Variants in MAMLD1 observed in about 807,000 individuals in gnomAD.
MAMLD1 encodes mastermind-like domain-containing protein 1.
A neutral mutation model predicts 45.0 loss-of-function variants in MAMLD1; 14 were observed. The ratio of observed to expected loss-of-function variants is 0.31; its 90% CI spans 0.21 to 0.49. The LOEUF is 0.49. Ranked by LOEUF, MAMLD1 falls within the 20% of genes least tolerant of loss-of-function variation. MAMLD1 has a pLI of 0.99. For synonymous variants in MAMLD1, 254 were observed against 247.8 expected (o/e 1.02, Z -0.24); for missense variants, 543 against 603.6 (o/e 0.90, Z 1.05).
intron 1 of MAMLD1, among the ~76,000 whole-genome samples, chrX:150,369,360 T>C (rs2031777527): frequency 8.9e-6 from 1 of 112,413 alleles, no homozygotes; most frequent in South Asian, 3.7e-4. Flanking sequence ...ATAGTCATTT[T>C]CTGGGAAAGT....
At chrX:150,398,329 GAAGAA>G (rs2033579355) in intron 1 of MAMLD1, among the ~76,000 whole-genome samples, 3 of 83,857 alleles carry the variant, frequency 3.6e-5, no homozygotes, top group African/African-American at 1.3e-4. Context: ...AGAAGAAGAA[GAAGAA>G]GAAGAAGAGG....
At chrX:150,403,948 G>GAAAGAAAGAAAGAAAGAAAGAAAGAA (rs2033903517) in intron 1 of MAMLD1, among the ~76,000 whole-genome samples, 5 of 63,881 alleles carry the variant, frequency 7.8e-5, no homozygotes, top group Non-Finnish European at 1.5e-4. Context: ...AGAAAAGAAA[G>GAAAGAAAGAAAGAAAGAAAGAAAGAA]AAAGAAAGAA....
intron 1 of MAMLD1, among the ~76,000 whole-genome samples, chrX:150,374,281 G>A (rs1407155615): frequency 3.6e-5 from 4 of 112,549 alleles, no homozygotes; most frequent in East Asian, 5.6e-4. Context: ...ATGAGCTTTC[G>A]GCAGGAGACA....
chrX:150,493,819 A>G (rs1211617633), intron 5 of MAMLD1, among the ~76,000 whole-genome samples: 2 of 112,292 alleles, frequency 1.8e-5, no homozygotes, highest in Non-Finnish European at 3.8e-5. Context: ...TTATAAGAGT[A>G]ATATGTGCTC....
At chrX:150,426,758 A>G (rs1215341246) in intron 1 of MAMLD1, among the ~76,000 whole-genome samples, 1 of 111,359 alleles carries the variant, frequency 9.0e-6, no homozygotes, top group Admixed American at 9.5e-5. Context: ...CCCTCACCAC[A>G]GAAGACTAAG....
At chrX:150,413,874 G>A (rs1230308077) in intron 1 of MAMLD1, among the ~76,000 whole-genome samples, 1 of 108,632 alleles carries the variant, frequency 9.2e-6, no homozygotes, top group Non-Finnish European at 1.9e-5. Flanking sequence ...TGGCCTTGAA[G>A]TCTGTGATGG....
intron 5 of MAMLD1, among the ~76,000 whole-genome samples, chrX:150,502,944 G>A (rs782204258): frequency 1.8e-5 from 2 of 111,937 alleles, no homozygotes; most frequent in Non-Finnish European, 3.8e-5. Context: ...CAAGCCAGGG[G>A]AGTCTTCACA....
chrX:150,416,569 A>G (rs2124541890), intron 1 of MAMLD1, among the ~76,000 whole-genome samples: 1 of 111,844 alleles, frequency 8.9e-6, no homozygotes, highest in African/African-American at 3.2e-5. Flanking sequence ...GCCTGCTTGT[A>G]TGCGTTTGGT....
At chrX:150,370,134 G>C (rs1440409928) in intron 1 of MAMLD1, among the ~76,000 whole-genome samples, 2 of 109,480 alleles carry the variant, frequency 1.8e-5, no homozygotes, top group African/African-American at 6.7e-5. Context: ...GATGTCACTG[G>C]GGAGGGAGAT....
chrX:150,402,973 G>A lies in MAMLD1; in HGVS notation c.-64+39443G>A, dbSNP rs1557402518. 2.4e-3 allele frequency among the ~76,000 whole-genome samples: 260 copies of A among 110,571 alleles called. 3 individuals are homozygous for A. Among genetic ancestry groups the A allele is most frequent in the African/African-American group, 8.3e-3 (251 of 30,300 alleles). On this transcript the variant is annotated intron_variant, in intron 1 of 7. Coordinates refer to ENST00000370401, the MANE Select transcript of MAMLD1 (RefSeq NM_005491.5). ...GCATTGGGAGATATACCTAATGCTA[G>A]ATGACGAGTTACTGGTGCAGCACAC...
chrX:150,409,987 G>A (rs1414111871), intron 1 of MAMLD1, among the ~76,000 whole-genome samples: 1 of 112,351 alleles, frequency 8.9e-6, no homozygotes, highest in African/African-American at 3.2e-5. Flanking sequence ...AAATTGAGCA[G>A]GACCTTGAAC....
chrX:150,459,983 G>T lies in MAMLD1; in HGVS notation c.97-2789G>T. Among the ~76,000 whole-genome samples, 2 of 111,984 alleles carry T rather than the reference G, an allele frequency of 1.8e-5. 1 individual carries two copies. The highest frequency in any genetic ancestry group is 8.4e-3 in the Middle Eastern group (2 of 239). On this transcript the variant is annotated intron_variant, in intron 2 of 7. Coordinates refer to ENST00000370401, the MANE Select transcript of MAMLD1 (RefSeq NM_005491.5). The stretch of plus-strand genomic sequence containing the variant: ...TGATTCCCTGATAAACCTCTAAACT[G>T]CAGGCATCTCTGTTCTTCATTTCTA...
At chrX:150,377,644 C>T (rs2032389516) in intron 1 of MAMLD1, among the ~76,000 whole-genome samples, 1 of 111,356 alleles carries the variant, frequency 9.0e-6, no homozygotes, top group Non-Finnish European at 1.9e-5. Context: ...AATACCTTCT[C>T]CCTAGGAGAT....
intron 1 of MAMLD1, among the ~76,000 whole-genome samples, chrX:150,380,006 C>G (rs782641461): frequency 2.7e-5 from 3 of 112,222 alleles, no homozygotes; most frequent in African/African-American, 9.7e-5. Context: ...TATGTATTTT[C>G]ATATTGTTAG....
At chrX:150,384,485 T>C (rs2032818942) in intron 1 of MAMLD1, among the ~76,000 whole-genome samples, 1 of 112,106 alleles carries the variant, frequency 8.9e-6, no homozygotes, top group South Asian at 3.7e-4. Flanking sequence ...TGTTGAACTG[T>C]AAGCATTGTT....
intron 5 of MAMLD1, among the ~76,000 whole-genome samples, chrX:150,501,033 C>A (rs2037536936): frequency 1.8e-5 from 2 of 111,845 alleles, no homozygotes; most frequent in African/African-American, 6.5e-5. Context: ...GTCGGGGTAT[C>A]TTCCGCCGCT....
intron 1 of MAMLD1, among the ~76,000 whole-genome samples, chrX:150,415,635 C>T (rs1387670906): frequency 1.8e-5 from 2 of 112,119 alleles, no homozygotes; most frequent in African/African-American, 3.2e-5. Context: ...ACTGCTTATT[C>T]GGAGTGTTTC....
At chrX:150,370,751 AC>A (rs1485505836) in intron 1 of MAMLD1, among the ~76,000 whole-genome samples, 3 of 111,027 alleles carry the variant, frequency 2.7e-5, no homozygotes, top group African/African-American at 9.9e-5. Context: ...TTTCCTTCAA[AC>A]CTCGAGTTTT....
intron 5 of MAMLD1, among the ~76,000 whole-genome samples, chrX:150,497,291 T>C (rs868933224): frequency 4.0e-5 from 4 of 100,867 alleles, no homozygotes; most frequent in Middle Eastern, 4.3e-3. Flanking sequence ...TTCTTTTTTT[T>C]TTTTTTTTTT....
Sources: gnomAD v4.1 joint callset for allele counts (sites outside exome capture counted in the v4.1 genomes callset) on GRCh38, gnomAD v4.1.1 for gene constraint, MANE v1.5 for transcripts, NCBI Gene and HGNC (gene_info 2026-07-23, HGNC 2026-07-21) for gene names.